Variants in CDK17 observed in about 807,000 individuals in gnomAD.
The protein encoded by CDK17 is cyclin dependent kinase 17, also known as cyclin-dependent kinase 17.
In CDK17, 24 loss-of-function variants were observed where a neutral mutation model predicts 77.6. The ratio of observed to expected loss-of-function variants is 0.31; its 90% CI spans 0.22 to 0.44. The LOEUF (loss-of-function observed/expected upper bound fraction) is 0.44, where lower values mean the gene tolerates loss of function less well. Among genes scored for constraint, CDK17 ranks in the 20% least tolerant of loss-of-function variants. CDK17 has a pLI of 1.00. For synonymous variants in CDK17, 203 were observed against 210.4 expected, an observed-to-expected ratio of 0.96 and a Z score of 0.30; for missense variants, 429 against 622.5, an observed-to-expected ratio of 0.69 and a Z score of 3.31.
chr12:96,331,465 CTT>C (rs201219782), intron 2 of CDK17, among the ~76,000 whole-genome samples: 2 of 146,036 alleles, frequency 1.4e-5, no homozygotes, highest in African/African-American at 2.5e-5. Flanking sequence ...AAACTTTCAA[CTT>C]TTTTTTTTTT....
At chr12:96,347,614 A>G (rs1648480196) in intron 1 of CDK17, among the ~76,000 whole-genome samples, 1 of 17,934 alleles carries the variant, frequency 5.6e-5, no homozygotes, top group Non-Finnish European at 1.1e-4. Flanking sequence ...AAGGGAGGGG[A>G]AGGGAGGGGA....
chr12:96,377,061 C>G (rs1023204794), intron 1 of CDK17, among the ~76,000 whole-genome samples: 1 of 152,126 alleles, frequency 6.6e-6, no homozygotes, highest in African/African-American at 2.4e-5. Flanking sequence ...TCATCTGAAT[C>G]ACCTATATGG....
intron 1 of CDK17, among the ~76,000 whole-genome samples, chr12:96,340,192 G>A (rs982767032): frequency 6.6e-6 from 1 of 151,908 alleles, no homozygotes; most frequent in African/African-American, 2.4e-5. Context: ...TCTTCATATA[G>A]TGCATTTGAA....
chr12:96,297,579 T>A lies in CDK17; in HGVS notation c.810+48A>T, dbSNP rs548296988. 2.3e-4 allele frequency: 270 copies of A among 1,167,824 alleles called. 2 individuals are homozygous for A. In the African/African-American group the frequency reaches 4.0e-3, roughly 17 times the overall value. 72.3% of individuals were successfully genotyped at this position (1,167,824 alleles called of 1,614,324 possible). A position where few individuals can be genotyped will look rare whatever the true frequency, so the allele number is the denominator to read the frequency against. ...AACAAACTAAAAGTCCAATTTACTA[T>A]GTTTTTCTAAAGTAAAGTTAAATAC... is the stretch of plus-strand genomic sequence containing the variant. On this transcript the variant is annotated intron_variant, in intron 8 of 16. Transcript: ENST00000261211.
chr12:96,310,984 T>G, intron 5 of CDK17, 68 bp downstream of exon 5: 4 of 1,486,242 alleles, frequency 2.7e-6, no homozygotes, highest in Non-Finnish European at 3.6e-6. Context: ...ATTTAAAATG[T>G]TTACACCCAG....
intron 1 of CDK17, among the ~76,000 whole-genome samples, chr12:96,398,451 A>G (rs747069360): frequency 2.0e-5 from 3 of 152,194 alleles, no homozygotes; most frequent in African/African-American, 4.8e-5. Flanking sequence ...TCCCCTTAAA[A>G]TCTAGTTTCG....
Position 96,368,806 on chromosome 12 carries a change from CGGGG to C in CDK17, c.-30+31176_-30+31179del, listed in dbSNP as rs113976893. ...AATTTAGAAAGAAGCTACTCTAAGA[CGGGG>C]GGGGGGGGGGGGGGCACAATGAATA... is the stretch of plus-strand genomic sequence containing the variant. On this transcript the variant is annotated intron_variant, in intron 1 of 16. Coordinates refer to ENST00000261211, the MANE Select transcript of CDK17 (RefSeq NM_002595.5). Among the ~76,000 whole-genome samples, 360 of 67,338 alleles carry C rather than the reference CGGGG, an allele frequency of 5.3e-3. 17 individuals carry two copies. The highest frequency in any genetic ancestry group is 0.011 in the African/African-American group (212 of 19,518). The allele number at this position is 67,338 out of a possible 152,430, so 44.2% of individuals were successfully genotyped here.
At chr12:96,317,369 ACT>A (rs1169146578) in intron 3 of CDK17, among the ~76,000 whole-genome samples, 1 of 104,966 alleles carries the variant, frequency 9.5e-6, no homozygotes, top group African/African-American at 3.6e-5. Context: ...GTTGGAAAAC[ACT>A]CTGCAGGATA....
At chr12:96,381,929 C>T (rs1017249126) in intron 1 of CDK17, among the ~76,000 whole-genome samples, 1 of 151,826 alleles carries the variant, frequency 6.6e-6, no homozygotes, top group African/African-American at 2.4e-5. Context: ...CAAAGAAATG[C>T]AAATATAATT....
intron 11 of CDK17, 139 bp from the exon 12 acceptor site, chr12:96,286,900 A>T (rs1952253526): frequency 1.6e-6 from 1 of 607,836 alleles, no homozygotes; most frequent in South Asian, 2.0e-5. Flanking sequence ...TTTTAGATCT[A>T]ACTAATTTGT....
chr12:96,313,484 A>AT (rs1441757064), intron 3 of CDK17, 30 bp from the exon 4 acceptor site: 2 of 1,264,506 alleles, frequency 1.6e-6, no homozygotes, highest in Non-Finnish European at 2.2e-6. Flanking sequence ...ATTAAAAGAG[A>AT]TACATTATAT....
rs548897612 is a variant in CDK17, at chr12:96,290,462, A to G, written c.998-1175T>C. ...CAAAAGAAAAAATCAATTTTACTGA[A>G]TAAGGTTACAGAAACAATGTCAGAA... On this transcript the variant is annotated intron_variant, in intron 10 of 16. Transcript: ENST00000261211. Among the ~76,000 whole-genome samples, 179 of 152,362 alleles carry G rather than the reference A, an allele frequency of 1.2e-3. 1 individual carries two copies. The highest frequency in any genetic ancestry group is 4.2e-3 in the African/African-American group (174 of 41,590).
chr12:96,307,428 TA>T (rs542612193), intron 5 of CDK17, among the ~76,000 whole-genome samples: 2 of 152,270 alleles, frequency 1.3e-5, no homozygotes, highest in East Asian at 3.9e-4. Context: ...AATGATAGCT[TA>T]AAAAAATTAC....
chr12:96,295,351 T>A (rs1240798503), intron 9 of CDK17: 1 of 290,042 alleles, frequency 3.4e-6, no homozygotes, highest in Non-Finnish European at 6.3e-6. Context: ...AGTCTAACAG[T>A]ATCTATGGAA....
At chr12:96,285,381 G>C (rs1048023435) in intron 13 of CDK17, among the ~76,000 whole-genome samples, 36 of 152,074 alleles carry the variant, frequency 2.4e-4, no homozygotes, top group Admixed American at 2.4e-3. Context: ...TGAGCAATGT[G>C]AATGGCTTTG....
intron 1 of CDK17, among the ~76,000 whole-genome samples, chr12:96,392,976 C>T (rs1053937936): frequency 9.9e-5 from 15 of 151,970 alleles, no homozygotes; most frequent in Admixed American, 4.6e-4. Flanking sequence ...ATATTGAGGA[C>T]GTAACAAATG....
At chr12:96,373,983 G>A (rs535905431) in intron 1 of CDK17, among the ~76,000 whole-genome samples, 61 of 152,272 alleles carry the variant, frequency 4.0e-4, no homozygotes, top group African/African-American at 1.4e-3. Flanking sequence ...AAAAGGATGT[G>A]AGATCTAAAT....
chr12:96,300,432 T>G lies in CDK17; in HGVS notation c.544-72A>C, dbSNP rs373243402. 9 of 907,552 alleles carry G rather than the reference T, an allele frequency of 9.9e-6. No individual in the cohort carries two copies. The African/African-American group carries it at 1.5e-4, about 16-fold the overall frequency. The allele number at this position is 907,552 out of a possible 1,614,324, so 56.2% of individuals were successfully genotyped here. On this transcript the variant is annotated intron_variant, in intron 5 of 16. Coordinates refer to ENST00000261211, the MANE Select transcript of CDK17 (RefSeq NM_002595.5). ...TTTTTGAGACAGCATCGTCTCACTC[T>G]GTTGCCCAGGCTGGAGTGCAGCGGC...
At chr12:96,341,577 C>T (rs977263977) in intron 1 of CDK17, among the ~76,000 whole-genome samples, 4 of 152,156 alleles carry the variant, frequency 2.6e-5, no homozygotes, top group Non-Finnish European at 1.5e-5. Context: ...TATCTTACTT[C>T]GCCTTGGGCT....
Sources: allele counts gnomAD v4.1 joint callset (sites outside exome capture counted in the v4.1 genomes callset), GRCh38; gene constraint gnomAD v4.1.1; transcripts MANE v1.5; gene names NCBI Gene and HGNC (gene_info 2026-07-23, HGNC 2026-07-21).